ENTPD4: variants seen among roughly 807,000 people sequenced by gnomAD.
ENTPD4 encodes ectonucleoside triphosphate diphosphohydrolase 4.
Under a neutral mutation model 79.1 loss-of-function variants are expected in ENTPD4, and 60 were observed. The ratio of observed to expected loss-of-function variants is 0.76; its 90% CI spans 0.62 to 0.94. The LOEUF (loss-of-function observed/expected upper bound fraction) is 0.94, where lower values mean the gene tolerates loss of function less well. ENTPD4 is among the 40% of genes least tolerant of loss of function. The probability of loss-of-function intolerance (pLI) is 0.00; values close to 1 mark genes in which losing one functional copy is unlikely to be tolerated. For missense variants in ENTPD4, 772 were observed against 775.1 expected, an observed-to-expected ratio of 1.00 and a Z score of 0.05; for synonymous variants, 276 against 292.0, an observed-to-expected ratio of 0.95 and a Z score of 0.56.
Position 23,443,939 on chromosome 8 carries a change from A to G in ENTPD4, c.578T>C (p.Ile193Thr), listed in dbSNP as rs1800717577. Residue 193 changes from isoleucine (I) to threonine (T), a missense_variant, in exon 6 of 13, where the codon ATT becomes ACT. By Grantham distance (89) the Ile-to-Thr change is moderately conservative. Coordinates refer to ENST00000358689, the MANE Select transcript of ENTPD4 (RefSeq NM_004901.5). ...GATATCGGTCAGAAGGTCTTCCAGA[A>G]TAGCTTTCTGCTGGCTGTAAAGTAA... is the stretch of plus-strand genomic sequence containing the variant. ...RILPESQQKA[I>T]LEDLLTDIPV... is the part of the protein sequence containing the mutation. 1 of 1,611,010 alleles carries G rather than the reference A, an allele frequency of 6.2e-7. No individual in the cohort carries two copies. Among genetic ancestry groups the G allele is most frequent in the African/African-American group, 1.3e-5 (1 of 74,874 alleles).
intron 1 of ENTPD4, among the ~76,000 whole-genome samples, chr8:23,455,053 T>G (rs1800934005): frequency 6.6e-6 from 1 of 152,232 alleles, no homozygotes; most frequent in Non-Finnish European, 1.5e-5. Flanking sequence ...TGATTTCAGC[T>G]AGTGGGGCCC....
At chr8:23,434,504 G>A in intron 11 of ENTPD4, 26 bp from the exon 12 acceptor site, 1 of 1,612,480 alleles carries the variant, frequency 6.2e-7, no homozygotes, top group South Asian at 1.1e-5. Context: ...ACAAAGGCAA[G>A]TCAGACTGAC....
At chr8:23,454,152 A>T (rs549923953) in intron 1 of ENTPD4, among the ~76,000 whole-genome samples, 54 of 152,350 alleles carry the variant, frequency 3.5e-4, no homozygotes, top group African/African-American at 1.3e-3. Flanking sequence ...AGGAAATAAC[A>T]ATTTTTAACA....
At chr8:23,445,124 G>A (rs542977083) in intron 4 of ENTPD4, among the ~76,000 whole-genome samples, 8 of 152,186 alleles carry the variant, frequency 5.3e-5, no homozygotes, top group South Asian at 2.1e-4. Context: ...ACCTCCCTCC[G>A]AGGCCATCAG....
At position 23,433,060 on chromosome 8, in the gene ENTPD4, C is replaced by A. The variant is rs372556071; in HGVS notation, c.1717G>T (p.Val573Leu). The A allele has an allele frequency of 1.2e-5, 19 of 1,613,990 alleles. No individual in the cohort carries two copies. In the African/African-American group the frequency reaches 1.2e-4, roughly 10 times the overall value. The stretch of plus-strand genomic sequence containing the variant: ...TACAGCAGGATGGCCAGCAGCACCA[C>A]CAGGAAGCAGCCAGAGAACAGGTAG... The part of the protein sequence containing the change: ...NHYLFSGCFL[V>L]VLLAILLYLL... Residue 573 changes from valine to leucine, a missense_variant, in exon 13 of 13, where the codon GTG becomes TTG. Transcript: ENST00000358689.
At chr8:23,452,254 T>C (rs1023153566) in intron 1 of ENTPD4, among the ~76,000 whole-genome samples, 2 of 152,208 alleles carry the variant, frequency 1.3e-5, no homozygotes, top group African/African-American at 4.8e-5. Flanking sequence ...AGTTGTAGCT[T>C]TGCAGACCCT....
Position 23,429,724 on chromosome 8 carries a change from G to A in ENTPD4, c.*3202C>T. 2.0e-6 allele frequency: 2 copies of A among 985,432 alleles called. No homozygotes were observed. Among genetic ancestry groups the A allele is most frequent in the Non-Finnish European group, 2.4e-6 (2 of 829,928 alleles). The allele number at this position is 985,432 out of a possible 1,614,324, so 61.0% of individuals were successfully genotyped here. ...AAGAGGGACCTACCCAGCCTTCAGG[G>A]TGGCTGGGCAGGGGCCCCATGTTAC... On this transcript the variant is annotated 3_prime_UTR_variant, in exon 13 of 13. Transcript: ENST00000358689.
At position 23,433,049 on chromosome 8, in the gene ENTPD4, C is replaced by G. The variant is rs1463889373; in HGVS notation, c.1728G>C (p.Leu576=). 4 of 1,614,166 alleles carry G rather than the reference C, an allele frequency of 2.5e-6. No individual in the cohort carries two copies. The highest frequency in any genetic ancestry group is 3.4e-6 in the Non-Finnish European group (4 of 1,180,048). ...GCCGCAGCAGGTACAGCAGGATGGC[C>G]AGCAGCACCACCAGGAAGCAGCCAG... The part of the protein sequence containing the change: ...LFSGCFLVVL[L]AILLYLLRLR... Residue 576 remains leucine (L), a synonymous_variant, in exon 13 of 13, where the codon CTG becomes CTC. Coordinates refer to ENST00000358689, the MANE Select transcript of ENTPD4 (RefSeq NM_004901.5).
intron 12 of ENTPD4, 27 bp from the exon 13 acceptor site, chr8:23,433,181 A>C: frequency 3.8e-6 from 6 of 1,595,018 alleles, no homozygotes; most frequent in Non-Finnish European, 5.2e-6. Context: ...CAAACAACAA[A>C]CAGGACAGTA....
In ENTPD4 at chr8:23,432,908, G is replaced by A. The variant is rs1311397726; in HGVS notation, c.*18C>T. On this transcript the variant is annotated 3_prime_UTR_variant, in exon 13 of 13. Transcript: ENST00000358689. Reference sequence around the variant, plus strand: ...AAATGGCTTTTCCTTTTGAGTCTTCGTGGAGCTGTGAGCTGGATCACAAGG... The same window carrying A: ...AAATGGCTTTTCCTTTTGAGTCTTCATGGAGCTGTGAGCTGGATCACAAGG... 7 of 1,563,214 alleles carry A rather than the reference G, an allele frequency of 4.5e-6. No homozygotes were observed. In the African/African-American group the frequency reaches 6.8e-5, roughly 15 times the overall value.
Position 23,429,242 on chromosome 8 carries a change from T to C in ENTPD4, c.*3684A>G, listed in dbSNP as rs1035221799. The stretch of plus-strand genomic sequence containing the variant: ...AGGCTGCCACATACAGCAAGTGACA[T>C]GACACCAAAAGGACCTTCCGAGAGT... On this transcript the variant is annotated 3_prime_UTR_variant, in exon 13 of 13. Coordinates refer to ENST00000358689, the MANE Select transcript of ENTPD4 (RefSeq NM_004901.5). 2 of 985,338 alleles carry C rather than the reference T, an allele frequency of 2.0e-6. No homozygotes were observed. The highest frequency in any genetic ancestry group is 2.4e-6 in the Non-Finnish European group (2 of 829,946). The allele number at this position is 985,338 out of a possible 1,614,324, so 61.0% of individuals were successfully genotyped here. A position where few individuals can be genotyped will look rare whatever the true frequency, so the allele number is the denominator to read the frequency against.
At position 23,429,374 on chromosome 8, in the gene ENTPD4, A is replaced by C. The variant is rs1159347498; in HGVS notation, c.*3552T>G. On this transcript the variant is annotated 3_prime_UTR_variant, in exon 13 of 13. Coordinates refer to ENST00000358689, the MANE Select transcript of ENTPD4 (RefSeq NM_004901.5). ...GTAAAATATAATTTTAGTACAGAAC[A>C]AACAAATTCTCCTTGGTTGGTCACA... 1 of 985,084 alleles carries C rather than the reference A, an allele frequency of 1.0e-6. No individual in the cohort carries two copies. The highest frequency in any genetic ancestry group is 1.2e-6 in the Non-Finnish European group (1 of 829,746). 61.0% of individuals were successfully genotyped at this position (985,084 alleles called of 1,614,324 possible).
intron 1 of ENTPD4, among the ~76,000 whole-genome samples, chr8:23,452,931 T>C (rs1409129968): frequency 1.3e-5 from 2 of 152,218 alleles, no homozygotes; most frequent in South Asian, 4.1e-4. Context: ...CCTCATTACA[T>C]GACAAGCCCC....
At chr8:23,436,855 T>G in intron 10 of ENTPD4, 79 bp downstream of exon 10, 1 of 1,115,340 alleles carries the variant, frequency 9.0e-7, no homozygotes, top group East Asian at 2.4e-5. Context: ...CCTGTCAATG[T>G]GAAAGGAGGA....
At position 23,444,499 on chromosome 8, in the gene ENTPD4, G is replaced by A. The variant is rs774623013; in HGVS notation, c.520C>T (p.Leu174Phe). The A allele has an allele frequency of 3.1e-5, 50 of 1,614,094 alleles. No homozygotes were observed. The highest frequency in any genetic ancestry group is 4.2e-5 in the Non-Finnish European group (49 of 1,180,036). Residue 174 changes from leucine to phenylalanine, a missense_variant, in exon 5 of 13, where the codon CTC (leucine) becomes TTC (phenylalanine). Coordinates refer to ENST00000358689, the MANE Select transcript of ENTPD4 (RefSeq NM_004901.5). The part of the protein sequence containing the change: ...VPRAKHKETP[L>F]YILCTAGMRI... ...ATTCCAGCCGTGCAGAGAATGTAGA[G>A]AGGTGTCTCTTTGTGTTTTGCCCGT...
In ENTPD4 at chr8:23,432,680, A is replaced by G. The variant is rs1050736891; in HGVS notation, c.*246T>C. 1 of 836,060 alleles carries G rather than the reference A, an allele frequency of 1.2e-6. No individual in the cohort carries two copies. 51.8% of individuals were successfully genotyped at this position (836,060 alleles called of 1,614,324 possible). A position where few individuals can be genotyped will look rare whatever the true frequency, so the allele number is the denominator to read the frequency against. ...CACCCAGCTAATTTTTTGTATTTTTAGTAGAGACGGGGTTTCACCGTGTTA... is the reference window on the plus strand; with the variant it reads ...CACCCAGCTAATTTTTTGTATTTTTGGTAGAGACGGGGTTTCACCGTGTTA... On this transcript the variant is annotated 3_prime_UTR_variant, in exon 13 of 13. Transcript: ENST00000358689.
At chr8:23,440,851 G>A (rs1800655375) in intron 8 of ENTPD4, among the ~76,000 whole-genome samples, 1 of 152,200 alleles carries the variant, frequency 6.6e-6, no homozygotes, top group South Asian at 2.1e-4. Flanking sequence ...CACACAACTA[G>A]TGAGGAGGAG....
chr8:23,446,390 C>T (rs370681380), intron 4 of ENTPD4, among the ~76,000 whole-genome samples: 2 of 152,084 alleles, frequency 1.3e-5, no homozygotes, highest in Non-Finnish European at 2.9e-5. Flanking sequence ...TCAGTCTTCT[C>T]GTAAGTTTTT....
chr8:23,430,746 C>T lies in ENTPD4; in HGVS notation c.*2180G>A. ...GGTCCCCTAACTCCCTGGGTGCCCACCTGCCCACTTCAACCATTTGTGGCC... is the reference window on the plus strand; with the variant it reads ...GGTCCCCTAACTCCCTGGGTGCCCATCTGCCCACTTCAACCATTTGTGGCC... On this transcript the variant is annotated 3_prime_UTR_variant, in exon 13 of 13. Coordinates refer to ENST00000358689, the MANE Select transcript of ENTPD4 (RefSeq NM_004901.5). 1 of 985,650 alleles carries T rather than the reference C, an allele frequency of 1.0e-6. No individual in the cohort carries two copies. Among genetic ancestry groups the T allele is most frequent in the Non-Finnish European group, 1.2e-6 (1 of 830,126 alleles). 61.1% of individuals were successfully genotyped at this position (985,650 alleles called of 1,614,324 possible).
Sources: gnomAD v4.1 joint callset for allele counts (sites outside exome capture counted in the v4.1 genomes callset) on GRCh38, gnomAD v4.1.1 for gene constraint, MANE v1.5 for transcripts, NCBI Gene and HGNC (gene_info 2026-07-23, HGNC 2026-07-21) for gene names.